The following NBAS variants were observed in gnomAD, a reference collection of about 807,000 sequenced individuals.
NBAS encodes the protein NBAS subunit of NRZ tethering complex.
Under a neutral mutation model 302.5 loss-of-function variants are expected in NBAS, and 219 were observed. That is an observed-to-expected ratio of 0.72 (90% CI 0.65 to 0.81). The LOEUF (loss-of-function observed/expected upper bound fraction) is 0.81. NBAS is among the 30% of genes least tolerant of loss of function. NBAS has a pLI of 0.00. For synonymous variants in NBAS, 1,118 were observed against 1,021.6 expected (o/e 1.09, Z -1.80); for missense variants, 2,932 against 2,841.6 (o/e 1.03, Z -0.72).
At chr2:15,211,898 C>T (rs773105086) in intron 48 of NBAS, among the ~76,000 whole-genome samples, 1 of 152,150 alleles carries the variant, frequency 6.6e-6, no homozygotes, top group African/African-American at 2.4e-5. Context: ...CAGAGCGTCC[C>T]TATATCTCCA....
In NBAS at chr2:15,504,739, C is replaced by T. The variant is rs148265863; in HGVS notation, c.886-526G>A. ...TAACATTGTTGAGGATGTAGGGAAT[C>T]TGGAACCCTCATACACTATTGATGG... On this transcript the variant is annotated intron_variant, in intron 10 of 51. Transcript: ENST00000281513. Among the ~76,000 whole-genome samples, 214 of 152,226 alleles carry T rather than the reference C, an allele frequency of 1.4e-3. 1 individual carries two copies. Among genetic ancestry groups the T allele is most frequent in the Middle Eastern group, 3.4e-3 (1 of 294 alleles).
the NBAS span, among the ~76,000 whole-genome samples, chr2:14,865,631 CT>C: frequency 6.6e-6 from 1 of 152,146 alleles, no homozygotes; most frequent in Non-Finnish European, 1.5e-5. Flanking sequence ...GTATATTAAT[CT>C]AATATTGTTT....
At chr2:15,044,730 G>T in the NBAS span, among the ~76,000 whole-genome samples, 1 of 152,218 alleles carries the variant, frequency 6.6e-6, no homozygotes, top group Non-Finnish European at 1.5e-5. Context: ...TAAAAGAGAT[G>T]ATAGTTGTGG....
chr2:15,119,916 A>G, the NBAS span, among the ~76,000 whole-genome samples: 1 of 152,158 alleles, frequency 6.6e-6, no homozygotes, highest in Non-Finnish European at 1.5e-5. Flanking sequence ...AGCCCTCACA[A>G]GGTCACCAGC....
At chr2:14,818,699 A>C in the NBAS span, among the ~76,000 whole-genome samples, 1 of 152,194 alleles carries the variant, frequency 6.6e-6, no homozygotes. Context: ...GGACGCATGA[A>C]GGTCTGACTG....
intron 21 of NBAS, among the ~76,000 whole-genome samples, chr2:15,440,917 T>C (rs1401590726): frequency 3.3e-5 from 5 of 151,700 alleles, no homozygotes; most frequent in South Asian, 2.1e-4. Flanking sequence ...CGATGGAAGA[T>C]GAAATGAATG....
chr2:14,909,315 G>A, the NBAS span, among the ~76,000 whole-genome samples: 1 of 93,388 alleles, frequency 1.1e-5, no homozygotes, highest in Non-Finnish European at 2.0e-5. Context: ...GCGAGACTCC[G>A]TCTCAAAAAA....
chr2:15,337,110 C>T (rs1672618949), intron 35 of NBAS, among the ~76,000 whole-genome samples: 1 of 152,094 alleles, frequency 6.6e-6, no homozygotes. Flanking sequence ...CTCATCTCTA[C>T]AAACAATTAA....
At chr2:15,248,013 C>A (rs1668184094) in intron 44 of NBAS, among the ~76,000 whole-genome samples, 1 of 152,144 alleles carries the variant, frequency 6.6e-6, no homozygotes, top group South Asian at 2.1e-4. Flanking sequence ...CTTCTCAGCA[C>A]CACATTGCAC....
chr2:15,395,016 C>T (rs1675800742), intron 27 of NBAS, among the ~76,000 whole-genome samples: 1 of 152,008 alleles, frequency 6.6e-6, no homozygotes, highest in Non-Finnish European at 1.5e-5. Context: ...TCAGTAAAGT[C>T]GCCTGGCATT....
chr2:14,981,199 T>C, the NBAS span, among the ~76,000 whole-genome samples: 18,954 of 152,196 alleles, frequency 0.12, 1,321 homozygotes, highest in Middle Eastern at 0.21. Flanking sequence ...TGTTAAATTA[T>C]AGCAAACTGA....
chr2:15,532,488 C>CAAAAA (rs896529713), intron 9 of NBAS, among the ~76,000 whole-genome samples: 2 of 47,778 alleles, frequency 4.2e-5, no homozygotes, highest in African/African-American at 5.4e-5. Flanking sequence ...GACTCCATCT[C>CAAAAA]AAAAAAAAAA....
intron 25 of NBAS, among the ~76,000 whole-genome samples, chr2:15,405,974 CAAAT>C (rs1238671865): frequency 1.3e-5 from 2 of 151,618 alleles, no homozygotes; most frequent in Non-Finnish European, 2.9e-5. Context: ...GAACATTATA[CAAAT>C]ATTGGTCTCC....
intron 46 of NBAS, 126 bp downstream of exon 46, chr2:15,234,416 AAAT>A: frequency 2.1e-6 from 2 of 947,454 alleles, no homozygotes; most frequent in Non-Finnish European, 3.3e-6. Context: ...AGAACTCTAA[AAAT>A]AATCTCTCAC....
the NBAS span, among the ~76,000 whole-genome samples, chr2:15,087,786 GT>G: frequency 4.6e-5 from 7 of 152,220 alleles, no homozygotes; most frequent in Admixed American, 4.6e-4. Flanking sequence ...GATAACATTT[GT>G]TCCTTTTAGC....
At chr2:15,452,614 A>G (rs77148024) in intron 21 of NBAS, among the ~76,000 whole-genome samples, 1,913 of 152,038 alleles carry the variant, frequency 0.013, 32 homozygotes, top group East Asian at 0.06. Context: ...AGTGTATCAT[A>G]GCCAAATGGT....
intron 21 of NBAS, among the ~76,000 whole-genome samples, chr2:15,449,790 T>A (rs895535092): frequency 2.0e-5 from 3 of 152,182 alleles, no homozygotes. Flanking sequence ...CATATTCCAC[T>A]CTGTTAAGTA....
At chr2:15,431,622 A>C (rs886346396) in intron 21 of NBAS, among the ~76,000 whole-genome samples, 1 of 152,204 alleles carries the variant, frequency 6.6e-6, no homozygotes, top group Non-Finnish European at 1.5e-5. Flanking sequence ...GATATCACAA[A>C]AATTTAAGAT....
At chr2:15,419,197 A>G (rs970198152) in intron 23 of NBAS, among the ~76,000 whole-genome samples, 2 of 152,212 alleles carry the variant, frequency 1.3e-5, no homozygotes, top group Non-Finnish European at 2.9e-5. Context: ...GAAGACATAC[A>G]AGAAAAAGAA....
Sources: gnomAD v4.1 joint callset for allele counts (sites outside exome capture counted in the v4.1 genomes callset) on GRCh38, gnomAD v4.1.1 for gene constraint, MANE v1.5 for transcripts, NCBI Gene and HGNC (gene_info 2026-07-23, HGNC 2026-07-21) for gene names.